RAPGEF6: variants seen among roughly 807,000 people sequenced by gnomAD.
RAPGEF6 encodes Rap guanine nucleotide exchange factor 6.
In RAPGEF6, 56 loss-of-function variants were observed where a neutral mutation model predicts 171.4. The ratio of observed to expected loss-of-function variants is 0.33; its 90% CI spans 0.26 to 0.41. RAPGEF6 has a LOEUF of 0.41. Among genes scored for constraint, RAPGEF6 ranks in the 10% least tolerant of loss-of-function variants. The pLI is 1.00. For missense variants in RAPGEF6, 1,674 were observed against 1,921.4 expected, an observed-to-expected ratio of 0.87 and a Z score of 2.41; for synonymous variants, 692 against 650.1, an observed-to-expected ratio of 1.06 and a Z score of -0.98.
At chr5:131,498,340 A>G (rs1466709296) in intron 12 of RAPGEF6, 103 bp downstream of exon 12, 8 of 1,071,680 alleles carry the variant, frequency 7.5e-6, no homozygotes, top group Non-Finnish European at 9.4e-6. Flanking sequence ...TTTTAGGTGT[A>G]CTGAATCTTA....
In RAPGEF6 at chr5:131,430,774, G is replaced by T. The variant is rs773774522; in HGVS notation, c.4465+85C>A. ...TTGTTAGAGAATGAATTTTTGCGAC[G>T]ATAAAATCCAGGGCCAAGATATCCC... On this transcript the variant is annotated intron_variant, in intron 26 of 27. Transcript: ENST00000509018. The T allele has an allele frequency of 2.6e-6, 4 of 1,545,570 alleles. No homozygotes were observed. The African/African-American group carries it at 5.5e-5, about 21-fold the overall frequency.
At chr5:131,439,888 C>T in intron 23 of RAPGEF6, 173 bp from the exon 24 acceptor site, 2 of 1,113,378 alleles carry the variant, frequency 1.8e-6, no homozygotes, top group Non-Finnish European at 1.2e-6. Context: ...CAGAGATTCT[C>T]ACCTCTAGGT....
intron 4 of RAPGEF6, among the ~76,000 whole-genome samples, chr5:131,572,662 GCTGCCCAT>G (rs958996260): frequency 7.2e-5 from 11 of 152,246 alleles, no homozygotes; most frequent in Middle Eastern, 3.4e-3. Flanking sequence ...AAGCCTGGTA[GCTGCCCAT>G]CTCCATTTCT....
chr5:131,526,599 G>A (rs990712644), intron 6 of RAPGEF6, among the ~76,000 whole-genome samples: 7 of 152,104 alleles, frequency 4.6e-5, no homozygotes, highest in African/African-American at 1.7e-4. Context: ...TTTCCTCCAA[G>A]AGAAGTTCTT....
Position 131,611,152 on chromosome 5 carries a change from C to T in RAPGEF6, c.70-6459G>A, listed in dbSNP as rs530416897. 4.6e-5 allele frequency among the ~76,000 whole-genome samples: 7 copies of T among 152,132 alleles called. No individual in the cohort carries two copies. The South Asian group carries it at 1.5e-3, about 32-fold the overall frequency. ...CAAACTTCCTTTCGTCTCTCCTTCA[C>T]AAATGTCACATGAGCATTCTGGTGT... is the stretch of plus-strand genomic sequence containing the variant. On this transcript the variant is annotated intron_variant, in intron 1 of 27. Transcript: ENST00000509018.
intron 14 of RAPGEF6, among the ~76,000 whole-genome samples, chr5:131,491,650 T>C (rs1207149590): frequency 6.6e-6 from 1 of 152,142 alleles, no homozygotes; most frequent in Non-Finnish European, 1.5e-5. Flanking sequence ...AAATCAGCAG[T>C]GACATTAGAT....
At chr5:131,590,625 T>C (rs763803222) in intron 4 of RAPGEF6, among the ~76,000 whole-genome samples, 2 of 152,212 alleles carry the variant, frequency 1.3e-5, no homozygotes, top group Admixed American at 6.5e-5. Flanking sequence ...TATTATTCTT[T>C]AGAATAAAGA....
At chr5:131,521,887 ACACACT>A (rs1227346391) in intron 6 of RAPGEF6, among the ~76,000 whole-genome samples, 39 of 130,810 alleles carry the variant, frequency 3.0e-4, no homozygotes, top group Admixed American at 5.4e-4. Flanking sequence ...ACACACACAC[ACACACT>A]CTCTCTCTCT....
intron 5 of RAPGEF6, among the ~76,000 whole-genome samples, chr5:131,558,349 C>T (rs1462841107): frequency 6.6e-6 from 1 of 151,746 alleles, no homozygotes; most frequent in Non-Finnish European, 1.5e-5. Flanking sequence ...TTTTTCCTTC[C>T]TGATACTGAT....
chr5:131,541,276 A>G (rs1175486946), intron 6 of RAPGEF6, among the ~76,000 whole-genome samples: 1 of 152,214 alleles, frequency 6.6e-6, no homozygotes, highest in Non-Finnish European at 1.5e-5. Context: ...CTTTGTCAGA[A>G]GAGCATGACA....
chr5:131,529,923 T>C (rs1267208774), intron 6 of RAPGEF6, among the ~76,000 whole-genome samples: 1 of 147,476 alleles, frequency 6.8e-6, no homozygotes, highest in Non-Finnish European at 1.5e-5. Flanking sequence ...TTTTTTTTTT[T>C]TGAGACAGGG....
chr5:131,483,467 A>C (rs981602426), intron 15 of RAPGEF6, among the ~76,000 whole-genome samples: 1 of 152,140 alleles, frequency 6.6e-6, no homozygotes, highest in Non-Finnish European at 1.5e-5. Flanking sequence ...TAAATTAAAA[A>C]AAATAGGGAC....
At position 131,523,279 on chromosome 5, in the gene RAPGEF6, C is replaced by CTTTT. The variant is rs1171953953; in HGVS notation, c.496-1762_496-1759dup. ...GGCCACATACAGTTTCTGTTGTATG[C>CTTTT]TTTTTTTTTTTTTTTTTTTTTTTTT... On this transcript the variant is annotated intron_variant, in intron 6 of 27. Transcript: ENST00000509018. 5.1e-4 allele frequency among the ~76,000 whole-genome samples: 34 copies of CTTTT among 66,648 alleles called. 1 individual carries two copies. The highest frequency in any genetic ancestry group is 7.0e-4 in the African/African-American group (10 of 14,246). The allele number at this position is 66,648 out of a possible 152,430, so 43.7% of individuals were successfully genotyped here.
At chr5:131,602,647 G>A (rs1429634062) in intron 3 of RAPGEF6, among the ~76,000 whole-genome samples, 1 of 152,112 alleles carries the variant, frequency 6.6e-6, no homozygotes, top group Non-Finnish European at 1.5e-5. Context: ...CGTAAACCCA[G>A]CTACTTGGGA....
At chr5:131,522,654 A>G (rs1758576183) in intron 6 of RAPGEF6, among the ~76,000 whole-genome samples, 1 of 152,196 alleles carries the variant, frequency 6.6e-6, no homozygotes, top group Non-Finnish European at 1.5e-5. Context: ...AACCTGAAGT[A>G]CATACATACA....
intron 3 of RAPGEF6, among the ~76,000 whole-genome samples, chr5:131,597,883 T>C (rs1014817410): frequency 6.6e-6 from 1 of 152,150 alleles, no homozygotes. Context: ...CACCAAAAAA[T>C]GATTAAATGT....
chr5:131,480,637 C>A (rs1300176741), intron 15 of RAPGEF6, among the ~76,000 whole-genome samples: 4 of 152,050 alleles, frequency 2.6e-5, no homozygotes, highest in Non-Finnish European at 5.9e-5. Flanking sequence ...TATCACCACA[C>A]CCGGCTAATT....
At chr5:131,582,904 C>T (rs1363167507) in intron 4 of RAPGEF6, among the ~76,000 whole-genome samples, 1 of 152,062 alleles carries the variant, frequency 6.6e-6, no homozygotes, top group Non-Finnish European at 1.5e-5. Context: ...AAACATGCAT[C>T]GACCATATAA....
chr5:131,517,012 T>C (rs1355920649), intron 7 of RAPGEF6, among the ~76,000 whole-genome samples: 6 of 152,182 alleles, frequency 3.9e-5, no homozygotes, highest in Non-Finnish European at 7.3e-5. Context: ...TGTTAAGAAC[T>C]GCTGTCAGGA....
Sources: gnomAD v4.1 joint callset for allele counts (sites outside exome capture counted in the v4.1 genomes callset) on GRCh38, gnomAD v4.1.1 for gene constraint, MANE v1.5 for transcripts, NCBI Gene and HGNC (gene_info 2026-07-23, HGNC 2026-07-21) for gene names.